The following FOXP2 variants were observed in gnomAD, a reference collection of about 807,000 sequenced individuals.
The protein encoded by FOXP2 is forkhead box protein P2.
In FOXP2, 12 loss-of-function variants were observed where a neutral mutation model predicts 115.8. That is an observed-to-expected ratio of 0.10 (90% CI 0.07 to 0.17). FOXP2 has a LOEUF of 0.17. Among genes scored for constraint, FOXP2 ranks in the 10% least tolerant of loss-of-function variants. FOXP2 has a pLI of 1.00. For missense variants in FOXP2, 629 were observed against 843.5 expected (o/e 0.75, Z 3.15); for synonymous variants, 328 against 297.7 (o/e 1.10, Z -1.05).
chr7:114,413,269 G>C (rs1793211059), upstream of FOXP2, among the ~76,000 whole-genome samples: 1 of 152,006 alleles, frequency 6.6e-6, no homozygotes, highest in South Asian at 2.1e-4. Flanking sequence ...AGAGTTGGGA[G>C]AAAAAATTTT....
At chr7:114,201,648 G>T (rs766124286) in intron 1 of FOXP2, among the ~76,000 whole-genome samples, 7 of 152,028 alleles carry the variant, frequency 4.6e-5, no homozygotes, top group Non-Finnish European at 8.8e-5. Context: ...GATTAACTTT[G>T]ATTTAAAGCA....
intron 1 of FOXP2, among the ~76,000 whole-genome samples, chr7:114,224,810 A>G (rs924538016): frequency 4.6e-5 from 7 of 152,142 alleles, no homozygotes; most frequent in Admixed American, 4.6e-4. Flanking sequence ...TGCACATAGC[A>G]TGCCTGGCTA....
chr7:114,093,461 G>C (rs796397059), intron 1 of FOXP2, among the ~76,000 whole-genome samples: 11 of 152,200 alleles, frequency 7.2e-5, no homozygotes, highest in African/African-American at 2.6e-4. Context: ...GTTCCATGGA[G>C]CCAGGGATTT....
intron 1 of FOXP2, among the ~76,000 whole-genome samples, chr7:114,173,247 GA>G (rs1793194973): frequency 6.6e-6 from 1 of 151,764 alleles, no homozygotes; most frequent in African/African-American, 2.4e-5. Flanking sequence ...TTAAGAAAAT[GA>G]AAAAGACTAT....
At position 114,692,789 on chromosome 7, in the gene FOXP2, A is replaced by G. The variant is rs1210555079; in HGVS notation, c.*2863A>G. 2.3e-6 allele frequency: 1 copy of G among 443,300 alleles called. No homozygotes were observed. The highest frequency in any genetic ancestry group is 7.0e-5 in the East Asian group (1 of 14,302). The allele number at this position is 443,300 out of a possible 1,614,324, so 27.5% of individuals were successfully genotyped here. A position where few individuals can be genotyped will look rare whatever the true frequency, so the allele number is the denominator to read the frequency against. ...ACAGCAAATTTTAAACTGTAGCACA[A>G]ACATCTGTTTATGTATTGGTGGAAT... is the stretch of plus-strand genomic sequence containing the variant. On this transcript the variant is annotated 3_prime_UTR_variant, in exon 17 of 17. Coordinates refer to ENST00000350908, the MANE Select transcript of FOXP2 (RefSeq NM_014491.4).
At chr7:114,105,599 T>C (rs1310212465) in intron 1 of FOXP2, among the ~76,000 whole-genome samples, 1 of 152,064 alleles carries the variant, frequency 6.6e-6, no homozygotes, top group African/African-American at 2.4e-5. Flanking sequence ...CCACAGAGAA[T>C]TTCTTAATCA....
chr7:114,319,471 A>G (rs368125170), intron 2 of FOXP2, among the ~76,000 whole-genome samples: 2 of 152,232 alleles, frequency 1.3e-5, no homozygotes, highest in Non-Finnish European at 2.9e-5. Context: ...ACAGTTCCAC[A>G]TGGCTGGGGT....
chr7:114,118,898 A>G (rs1296865883), intron 1 of FOXP2, among the ~76,000 whole-genome samples: 1 of 152,116 alleles, frequency 6.6e-6, no homozygotes, highest in Non-Finnish European at 1.5e-5. Context: ...AGAACCCTGA[A>G]TTGTTCAACA....
chr7:114,558,787 T>A (rs1211535176), intron 3 of FOXP2, among the ~76,000 whole-genome samples: 2 of 152,186 alleles, frequency 1.3e-5, no homozygotes, highest in Non-Finnish European at 2.9e-5. Context: ...CATAGTATAA[T>A]ACTTAATATG....
At chr7:114,352,695 A>T (rs1228920538) in intron 2 of FOXP2, among the ~76,000 whole-genome samples, 1 of 152,050 alleles carries the variant, frequency 6.6e-6, no homozygotes, top group Non-Finnish European at 1.5e-5. Context: ...TAAAGGGCCC[A>T]CACTAATGAC....
intron 2 of FOXP2, among the ~76,000 whole-genome samples, chr7:114,348,657 C>T (rs1222571164): frequency 6.6e-6 from 1 of 151,970 alleles, no homozygotes; most frequent in Admixed American, 6.6e-5. Context: ...GTAGTTCTGG[C>T]CCAGCTTTCT....
chr7:114,228,124 G>A (rs1416901030), intron 1 of FOXP2, among the ~76,000 whole-genome samples: 1 of 151,932 alleles, frequency 6.6e-6, no homozygotes, highest in Non-Finnish European at 1.5e-5. Context: ...CAAACCATGT[G>A]GTACAATACT....
At chr7:114,094,019 G>A (rs1799594502) in intron 1 of FOXP2, among the ~76,000 whole-genome samples, 1 of 152,118 alleles carries the variant, frequency 6.6e-6, no homozygotes, top group Non-Finnish European at 1.5e-5. Flanking sequence ...GACAAGCCAA[G>A]TATTTCTGTT....
intron 1 of FOXP2, among the ~76,000 whole-genome samples, chr7:114,216,897 G>A (rs902540513): frequency 5.9e-5 from 9 of 152,116 alleles, no homozygotes; most frequent in Admixed American, 5.2e-4. Flanking sequence ...TGGCCAGAAT[G>A]AAATCTAGGC....
chr7:114,525,121 C>G (rs1451329699), intron 2 of FOXP2, among the ~76,000 whole-genome samples: 1 of 152,060 alleles, frequency 6.6e-6, no homozygotes, highest in Non-Finnish European at 1.5e-5. Context: ...ATGCTAGACC[C>G]ATTAGTTAAA....
chr7:114,424,522 T>C (rs1435917581), intron 1 of FOXP2, among the ~76,000 whole-genome samples: 4 of 151,542 alleles, frequency 2.6e-5, no homozygotes, highest in African/African-American at 9.7e-5. Context: ...AATTTTCATA[T>C]AACTAGTAAA....
At position 114,176,229 on chromosome 7, in the gene FOXP2, GTCTTT is replaced by G. The variant is rs1271562696; in HGVS notation, c.-102+13147_-102+13151del. On this transcript the variant is annotated intron_variant, in intron 1 of 17. Coordinates refer to the FOXP2 transcript ENST00000634411. ...GTCTTGTCTTGTCTTGTCTTGTCTT[GTCTTT>G]TCTTTCTTTCTTTCTCTCTCTCTCT... 7.1e-4 allele frequency among the ~76,000 whole-genome samples: 71 copies of G among 99,528 alleles called. 1 individual carries two copies. Among genetic ancestry groups the G allele is most frequent in the East Asian group, 2.9e-3 (10 of 3,458 alleles). The allele number at this position is 99,528 out of a possible 152,430, so 65.3% of individuals were successfully genotyped here.
At chr7:114,165,622 G>T (rs1245013750) in intron 1 of FOXP2, among the ~76,000 whole-genome samples, 2 of 152,128 alleles carry the variant, frequency 1.3e-5, no homozygotes, top group East Asian at 3.9e-4. Flanking sequence ...GAAAATCAAA[G>T]ATCTGAATAA....
At chr7:114,602,343 T>G (rs1803076347) in intron 3 of FOXP2, among the ~76,000 whole-genome samples, 1 of 152,086 alleles carries the variant, frequency 6.6e-6, no homozygotes, top group African/African-American at 2.4e-5. Context: ...TTACTACCTT[T>G]TTACTCTTAG....
Sources: gnomAD v4.1 joint callset for allele counts (sites outside exome capture counted in the v4.1 genomes callset) on GRCh38, gnomAD v4.1.1 for gene constraint, MANE v1.5 for transcripts, NCBI Gene and HGNC (gene_info 2026-07-23, HGNC 2026-07-21) for gene names.